GLIS3: variants seen among roughly 807,000 people sequenced by gnomAD.
GLIS3 encodes the protein GLIS family zinc finger 3.
In GLIS3, 53 loss-of-function variants were observed where a neutral mutation model predicts 78.6. The ratio of observed to expected loss-of-function variants is 0.67; its 90% CI spans 0.54 to 0.85. The LOEUF is 0.85. Ranked by LOEUF, GLIS3 falls within the 40% of genes least tolerant of loss-of-function variation. The pLI is 0.00. For synonymous variants in GLIS3, 684 were observed against 509.9 expected (o/e 1.34, Z -4.60); for missense variants, 1,703 against 1,231.1 (o/e 1.38, Z -5.74).
At chr9:4,182,977 G>A (rs375937468) in intron 2 of GLIS3, among the ~76,000 whole-genome samples, 4 of 152,136 alleles carry the variant, frequency 2.6e-5, no homozygotes, top group East Asian at 1.9e-4. Flanking sequence ...ACACCCCACC[G>A]CTCACACTCT....
chr9:3,932,725 C>G (rs933079886), intron 5 of GLIS3: 49 of 454,700 alleles, frequency 1.1e-4, no homozygotes, highest in African/African-American at 8.4e-4. Context: ...AGTGTGTGCT[C>G]TAACCACAAA....
intron 6 of GLIS3, among the ~76,000 whole-genome samples, chr9:3,910,516 A>G (rs1168327187): frequency 6.6e-6 from 1 of 152,092 alleles, no homozygotes; most frequent in Non-Finnish European, 1.5e-5. Flanking sequence ...CATCCAGCTA[A>G]TTTTCAATAA....
chr9:4,068,106 T>C (rs1309058007), intron 4 of GLIS3, among the ~76,000 whole-genome samples: 3 of 152,146 alleles, frequency 2.0e-5, no homozygotes, highest in African/African-American at 7.2e-5. Context: ...GAAGTGTTAC[T>C]ATAAAAGGGC....
the GLIS3 span, among the ~76,000 whole-genome samples, chr9:4,468,906 G>C: frequency 6.6e-6 from 1 of 152,134 alleles, no homozygotes; most frequent in Non-Finnish European, 1.5e-5. Context: ...CACCTGCAGA[G>C]ACACATATAG....
At chr9:4,357,969 T>C in the GLIS3 span, among the ~76,000 whole-genome samples, 1 of 152,200 alleles carries the variant, frequency 6.6e-6, no homozygotes, top group African/African-American at 2.4e-5. Flanking sequence ...TACATCTACA[T>C]TATAGGATAT....
intron 4 of GLIS3, among the ~76,000 whole-genome samples, chr9:4,074,192 C>T (rs1284410589): frequency 6.6e-6 from 1 of 152,100 alleles, no homozygotes; most frequent in Admixed American, 6.5e-5. Flanking sequence ...TATCATGAAC[C>T]AGGGGTCTCT....
At chr9:3,954,935 T>C (rs1442177269) in intron 4 of GLIS3, among the ~76,000 whole-genome samples, 1 of 152,012 alleles carries the variant, frequency 6.6e-6, no homozygotes, top group African/African-American at 2.4e-5. Flanking sequence ...ATTCAGACAA[T>C]GGTGCACATG....
intron 2 of GLIS3, among the ~76,000 whole-genome samples, chr9:4,205,808 G>C (rs1401850333): frequency 6.6e-6 from 1 of 152,232 alleles, no homozygotes; most frequent in Non-Finnish European, 1.5e-5. Flanking sequence ...GAGAGGTTCA[G>C]CAGTGACCTC....
intron 4 of GLIS3, chr9:4,054,481 G>T (rs2130502765): frequency 1.0e-6 from 1 of 985,424 alleles, no homozygotes; most frequent in African/African-American, 1.7e-5. Context: ...TTCAGTCAGG[G>T]CCTACGGGTT....
Position 4,025,535 on chromosome 9 carries a change from C to A in GLIS3, c.1711-88346G>T, listed in dbSNP as rs376823006. Among the ~76,000 whole-genome samples the A allele has an allele frequency of 1.6e-4, 25 of 151,984 alleles. No homozygotes were observed. The East Asian group carries it at 3.7e-3, about 23-fold the overall frequency. ...CCCGAGTAGCTGGGATTACAGGCAC[C>A]CACCACCATGCCTGGCTAATTTTTG... On this transcript the variant is annotated intron_variant, in intron 4 of 10. Coordinates refer to ENST00000381971, the MANE Select transcript of GLIS3 (RefSeq NM_001042413.2).
chr9:4,366,763 G>C, the GLIS3 span, among the ~76,000 whole-genome samples: 1 of 152,222 alleles, frequency 6.6e-6, no homozygotes, highest in Admixed American at 6.5e-5. Flanking sequence ...GTTGGGCACA[G>C]AGAGCAGGGA....
intron 4 of GLIS3, among the ~76,000 whole-genome samples, chr9:4,082,692 C>A (rs970597778): frequency 1.3e-5 from 2 of 152,116 alleles, no homozygotes; most frequent in Admixed American, 6.6e-5. Flanking sequence ...CAAGATGAAC[C>A]CTGAAATCTG....
chr9:4,350,066 A>T (rs1426075376), upstream of GLIS3, among the ~76,000 whole-genome samples: 1 of 152,242 alleles, frequency 6.6e-6, no homozygotes, highest in Non-Finnish European at 1.5e-5. Context: ...TCAGATTGCA[A>T]GTTACACCAG....
intron 2 of GLIS3, among the ~76,000 whole-genome samples, chr9:4,275,590 T>C (rs1226996216): frequency 7.0e-6 from 1 of 143,316 alleles, no homozygotes; most frequent in African/African-American, 2.6e-5. Context: ...CAAGATCCCA[T>C]CTCTACAAAA....
chr9:4,268,022 T>C (rs1826176928), intron 2 of GLIS3, among the ~76,000 whole-genome samples: 1 of 152,088 alleles, frequency 6.6e-6, no homozygotes, highest in African/African-American at 2.4e-5. Context: ...CATAGATGTG[T>C]ATATATGTGC....
rs376882697 is a variant in GLIS3 at position 3,939,241 on chromosome 9, C to G, written c.1711-2052G>C. ...TCAGCACCAGGATGAGAGCGGAGAA[C>G]TACTTTAGAATAAGATTAATGAGGT... is the stretch of plus-strand genomic sequence containing the variant. On this transcript the variant is annotated intron_variant, in intron 4 of 10. Transcript: ENST00000381971. 3.1e-4 allele frequency among the ~76,000 whole-genome samples: 47 copies of G among 152,278 alleles called. 1 individual carries two copies. Among genetic ancestry groups the G allele is most frequent in the African/African-American group, 1.1e-3 (47 of 41,552 alleles).
the GLIS3 span, among the ~76,000 whole-genome samples, chr9:4,433,009 C>T: frequency 7.7e-4 from 118 of 152,282 alleles, no homozygotes; most frequent in African/African-American, 2.7e-3. Flanking sequence ...GACTGGTTCA[C>T]GGAAACCTGC....
chr9:3,849,398 G>C (rs1332591229), intron 9 of GLIS3, among the ~76,000 whole-genome samples: 1 of 152,166 alleles, frequency 6.6e-6, no homozygotes, highest in Non-Finnish European at 1.5e-5. Flanking sequence ...TGACCCCTTT[G>C]CCTTGTGACT....
At chr9:4,328,349 CA>C (rs1377514610) in intron 2 of GLIS3, among the ~76,000 whole-genome samples, 1 of 152,176 alleles carries the variant, frequency 6.6e-6, no homozygotes, top group African/African-American at 2.4e-5. Flanking sequence ...AACCAGAACC[CA>C]CTCAACCCAC....
Sources: gnomAD v4.1 joint callset for allele counts (sites outside exome capture counted in the v4.1 genomes callset) on GRCh38, gnomAD v4.1.1 for gene constraint, MANE v1.5 for transcripts, NCBI Gene and HGNC (gene_info 2026-07-23, HGNC 2026-07-21) for gene names.